LZTFL1: variants seen among roughly 807,000 people sequenced by gnomAD.
LZTFL1 encodes leucine zipper transcription factor-like protein 1.
Under a neutral mutation model 45.9 loss-of-function variants are expected in LZTFL1, and 25 were observed. The observed-to-expected ratio is 0.54, with a 90% CI of 0.40 to 0.76. The LOEUF (loss-of-function observed/expected upper bound fraction) is 0.76, where lower values mean the gene tolerates loss of function less well. Ranked by LOEUF, LZTFL1 falls within the 30% of genes least tolerant of loss-of-function variation. The probability of loss-of-function intolerance (pLI) is 0.00; values close to 1 mark genes in which losing one functional copy is unlikely to be tolerated. For synonymous variants in LZTFL1, 93 were observed against 117.4 expected, an observed-to-expected ratio of 0.79 and a Z score of 1.35; for missense variants, 277 against 331.1, an observed-to-expected ratio of 0.84 and a Z score of 1.27.
intron 2 of LZTFL1, among the ~76,000 whole-genome samples, chr3:45,895,766 T>C (rs986270361): frequency 1.3e-5 from 2 of 152,222 alleles, no homozygotes; most frequent in African/African-American, 4.8e-5. Flanking sequence ...GAATCTTTTT[T>C]TCTTTTACAG....
intron 2 of LZTFL1, among the ~76,000 whole-genome samples, chr3:45,867,147 C>CAAAAA (rs58937842): frequency 2.8e-4 from 18 of 63,240 alleles, no homozygotes; most frequent in South Asian, 1.2e-3. Flanking sequence ...GACTCAATCT[C>CAAAAA]AAAAAAAAAA....
chr3:45,863,087 T>C (rs1424997596), intron 2 of LZTFL1, among the ~76,000 whole-genome samples: 1 of 152,232 alleles, frequency 6.6e-6, no homozygotes, highest in East Asian at 1.9e-4. Flanking sequence ...CATGAGTCCA[T>C]AATGATACTC....
intron 1 of LZTFL1, 115 bp downstream of exon 1, chr3:45,841,874 T>C: frequency 1.5e-6 from 2 of 1,365,882 alleles, no homozygotes; most frequent in East Asian, 2.5e-5. Context: ...GAGGCTGAGG[T>C]GCGGCCAGAC....
At chr3:45,915,528 T>C (rs1255328629) in exon 1 of LZTFL1, 1 of 456,338 alleles carries the variant, frequency 2.2e-6, no homozygotes, top group Admixed American at 2.3e-5. Context: ...CCTGAAATCA[T>C]TTTTTCTGTG....
chr3:45,850,245 C>A (rs1701286552), intron 4 of LZTFL1, among the ~76,000 whole-genome samples: 1 of 152,196 alleles, frequency 6.6e-6, no homozygotes, highest in South Asian at 2.1e-4. Flanking sequence ...TCATGAGATG[C>A]ATACTATGAT....
intron 2 of LZTFL1, among the ~76,000 whole-genome samples, chr3:45,905,842 G>A (rs1222025974): frequency 2.0e-5 from 3 of 152,212 alleles, no homozygotes; most frequent in Non-Finnish European, 4.4e-5. Context: ...CATGGTCAGT[G>A]AGAGGGGTGC....
intron 2 of LZTFL1, among the ~76,000 whole-genome samples, chr3:45,867,728 C>G (rs1701600725): frequency 6.6e-6 from 1 of 152,088 alleles, no homozygotes; most frequent in Non-Finnish European, 1.5e-5. Context: ...CCTGTAGTCC[C>G]AGCTACTTGG....
chr3:45,844,860 G>A (rs752272662), upstream of LZTFL1, among the ~76,000 whole-genome samples: 8 of 152,186 alleles, frequency 5.3e-5, no homozygotes, highest in Non-Finnish European at 1.2e-4. Context: ...ACTATCACAT[G>A]CATTAAAGCA....
At chr3:45,868,565 G>A (rs1701615173) in intron 2 of LZTFL1, among the ~76,000 whole-genome samples, 1 of 152,190 alleles carries the variant, frequency 6.6e-6, no homozygotes, top group African/African-American at 2.4e-5. Flanking sequence ...TGCAAATATA[G>A]CTTTGTTTAA....
At position 45,901,785 on chromosome 3, in the gene LZTFL1, A is replaced by G. The variant is rs1332125747; in HGVS notation, c.-215+11335T>C. ...CCGCCGGGATCTCGTGAAAACCCTGAAGAACTTGGGTTGCATCAGCCAGGC... is the reference window on the plus strand; with the variant it reads ...CCGCCGGGATCTCGTGAAAACCCTGGAGAACTTGGGTTGCATCAGCCAGGC... On this transcript the variant is annotated intron_variant, in intron 2 of 4. Transcript: ENST00000472635. The surrounding 1 kb of genome is among the most constrained non-coding windows in gnomAD (Gnocchi z 4.3). The G allele has an allele frequency of 1.2e-6, 2 of 1,614,166 alleles. No individual in the cohort carries two copies. The highest frequency in any genetic ancestry group is 1.7e-6 in the Non-Finnish European group (2 of 1,180,036).
chr3:45,826,801 G>T (rs1022303379), intron 9 of LZTFL1, among the ~76,000 whole-genome samples: 4 of 152,156 alleles, frequency 2.6e-5, no homozygotes, highest in African/African-American at 9.7e-5. Flanking sequence ...ATAAATACAT[G>T]GTGGGAGCCA....
chr3:45,858,659 A>T (rs755173580), intron 3 of LZTFL1, among the ~76,000 whole-genome samples: 2 of 152,226 alleles, frequency 1.3e-5, no homozygotes, highest in Non-Finnish European at 2.9e-5. Context: ...CTATAGACAC[A>T]ACTGTTTTGA....
At chr3:45,859,629 C>T (rs1438115375) in intron 2 of LZTFL1, among the ~76,000 whole-genome samples, 2 of 147,164 alleles carry the variant, frequency 1.4e-5, no homozygotes, top group South Asian at 2.1e-4. Flanking sequence ...TCACAGAGAA[C>T]ATTACATGGC....
intron 2 of LZTFL1, among the ~76,000 whole-genome samples, chr3:45,905,881 T>G (rs985962654): frequency 6.6e-6 from 1 of 152,190 alleles, no homozygotes; most frequent in African/African-American, 2.4e-5. Context: ...TCAGTCTTTT[T>G]AGCCCCTGGT....
At chr3:45,877,752 T>C (rs1701774305) in intron 2 of LZTFL1, among the ~76,000 whole-genome samples, 1 of 151,226 alleles carries the variant, frequency 6.6e-6, no homozygotes, top group African/African-American at 2.4e-5. Flanking sequence ...TTTTTTTTTT[T>C]TTTTTTCCTG....
At chr3:45,859,441 G>A (rs1020301723) in intron 2 of LZTFL1, among the ~76,000 whole-genome samples, 14 of 152,066 alleles carry the variant, frequency 9.2e-5, no homozygotes, top group African/African-American at 3.4e-4. Flanking sequence ...TGCCCACGGT[G>A]GTTTCAAACT....
At chr3:45,915,272 T>C in intron 1 of LZTFL1, 1 of 283,890 alleles carries the variant, frequency 3.5e-6, no homozygotes, top group Non-Finnish European at 7.2e-6. Context: ...TTGCAGCCTT[T>C]AGGGAGGCCC....
At position 45,879,697 on chromosome 3, in the gene LZTFL1, A is replaced by T. The variant is rs1177967439; in HGVS notation, c.-214-20681T>A. Among the ~76,000 whole-genome samples the T allele has an allele frequency of 3.3e-5, 5 of 152,166 alleles. No individual in the cohort carries two copies. In the East Asian group the frequency reaches 9.6e-4, roughly 29 times the overall value. The stretch of plus-strand genomic sequence containing the variant: ...GAGTGTAGATGAACTGATTATAACA[A>T]ATGTGCCACTCTGATGCAGGATGTT... On this transcript the variant is annotated intron_variant, in intron 2 of 4. Transcript: ENST00000472635.
chr3:45,893,938 C>G (rs559718588), intron 2 of LZTFL1, among the ~76,000 whole-genome samples: 41 of 152,188 alleles, frequency 2.7e-4, no homozygotes, highest in Admixed American at 2.7e-3. Context: ...AGGGTGGGGT[C>G]ATGATGTTGT....
Sources: allele counts gnomAD v4.1 joint callset (sites outside exome capture counted in the v4.1 genomes callset), GRCh38; gene constraint gnomAD v4.1.1; non-coding constraint Gnocchi (gnomAD v3.1); transcripts MANE v1.5; gene names NCBI Gene and HGNC (gene_info 2026-07-23, HGNC 2026-07-21).